DOCK2: variants seen among roughly 807,000 people sequenced by gnomAD.
The protein encoded by DOCK2 is dedicator of cytokinesis protein 2.
Under a neutral mutation model 248.9 loss-of-function variants are expected in DOCK2, and 87 were observed. The observed-to-expected ratio is 0.35, with a 90% CI of 0.29 to 0.42. DOCK2 has a LOEUF of 0.42. Ranked by LOEUF, DOCK2 falls within the 10% of genes least tolerant of loss-of-function variation. The probability of loss-of-function intolerance (pLI) is 1.00; values close to 1 mark genes in which losing one functional copy is unlikely to be tolerated. For missense variants in DOCK2, 1,747 were observed against 2,300.2 expected, an observed-to-expected ratio of 0.76 and a Z score of 4.92; for synonymous variants, 805 against 821.6, an observed-to-expected ratio of 0.98 and a Z score of 0.35.
At chr5:170,044,876 A>G (rs2113847213) in intron 38 of DOCK2, among the ~76,000 whole-genome samples, 2 of 152,218 alleles carry the variant, frequency 1.3e-5, no homozygotes, top group African/African-American at 4.8e-5. Context: ...ACTGAAGGTG[A>G]AATGTAATGG....
At chr5:170,032,044 T>C (rs185446004) in intron 34 of DOCK2, among the ~76,000 whole-genome samples, 44,634 of 148,124 alleles carry the variant, frequency 0.3, 7,004 homozygotes, top group East Asian at 0.49. Flanking sequence ...TTTTTTTTTT[T>C]GAGACGGAGT....
At chr5:169,722,473 G>A (rs1762262560) in intron 22 of DOCK2, among the ~76,000 whole-genome samples, 1 of 152,204 alleles carries the variant, frequency 6.6e-6, no homozygotes, top group African/African-American at 2.4e-5. Context: ...CCAGGCTAGA[G>A]TGCAAGGGGC....
intron 14 of DOCK2, chr5:169,702,712 T>TTTAC: frequency 5.2e-6 from 1 of 191,666 alleles, no homozygotes; most frequent in East Asian, 1.4e-4. Flanking sequence ...TATTTATTTA[T>TTTAC]TTACTTTTGC....
In DOCK2 at chr5:170,041,093, A is replaced by G; in HGVS notation, c.3704A>G (p.Asp1235Gly). ...CTCCGCGATCTTCACCTGGACTGTG[A>G]CAATTACACAGAGGCTGCCTACACG... Reference protein sequence around the residue: ...YKLRDLHLDCDNYTEAAYTLL... With the variant: ...YKLRDLHLDCGNYTEAAYTLL... The change falls in exon 37 of 52, where the codon GAC (aspartate) becomes GGC (glycine). Residue 1235 changes from aspartate (D) to glycine (G), a missense_variant. Physicochemically the swap from Asp to Gly is moderately conservative, Grantham distance 94. This residue lies in a region of DOCK2 where 858 missense variants were observed against 1,183.5 expected (regional missense o/e 0.72). Coordinates refer to ENST00000520908, the MANE Select transcript of DOCK2 (RefSeq NM_004946.3). 3.1e-6 allele frequency: 5 copies of G among 1,614,154 alleles called. No individual in the cohort carries two copies. The highest frequency in any genetic ancestry group is 4.2e-6 in the Non-Finnish European group (5 of 1,180,020).
At chr5:169,648,541 C>G (rs1757611715) in intron 1 of DOCK2, among the ~76,000 whole-genome samples, 1 of 152,182 alleles carries the variant, frequency 6.6e-6, no homozygotes, top group Non-Finnish European at 1.5e-5. Context: ...AAATGCATCT[C>G]CACTCGTGAG....
chr5:169,649,760 T>A (rs2113145858), intron 1 of DOCK2, among the ~76,000 whole-genome samples: 1 of 152,302 alleles, frequency 6.6e-6, no homozygotes, highest in African/African-American at 2.4e-5. Context: ...GAGGTTACTA[T>A]GAAGATTAAA....
intron 26 of DOCK2, among the ~76,000 whole-genome samples, chr5:169,823,602 G>A (rs1165148106): frequency 1.3e-5 from 2 of 152,160 alleles, no homozygotes; most frequent in Non-Finnish European, 2.9e-5. Context: ...AATAAATTAG[G>A]TATTGATGGG....
At chr5:169,929,658 C>T (rs907962234) in intron 27 of DOCK2, among the ~76,000 whole-genome samples, 1 of 150,684 alleles carries the variant, frequency 6.6e-6, no homozygotes, top group Admixed American at 6.6e-5. Flanking sequence ...AGGAGAATCA[C>T]TCAAGCCTGG....
chr5:169,685,977 C>T (rs1759951012), intron 8 of DOCK2, among the ~76,000 whole-genome samples: 1 of 152,226 alleles, frequency 6.6e-6, no homozygotes, highest in Non-Finnish European at 1.5e-5. Flanking sequence ...AGGGTTTCAG[C>T]ACCATTATGG....
intron 20 of DOCK2, 138 bp downstream of exon 20, chr5:169,716,440 A>G: frequency 1.3e-6 from 1 of 782,500 alleles, no homozygotes. Context: ...ATGTTTGGCA[A>G]CAAGACCAAT....
At chr5:169,759,799 T>C (rs762417688) in intron 24 of DOCK2, 24 bp downstream of exon 24, 3 of 1,613,526 alleles carry the variant, frequency 1.9e-6, no homozygotes, top group Non-Finnish European at 2.5e-6. Context: ...TTGTACTTTC[T>C]TGGGCTCTGC....
chr5:169,916,976 A>G (rs114978595), intron 27 of DOCK2, among the ~76,000 whole-genome samples: 2,372 of 152,224 alleles, frequency 0.016, 60 homozygotes, highest in African/African-American at 0.054. Flanking sequence ...ACTCTTCCAA[A>G]TCCAGGACTG....
Position 170,076,006 on chromosome 5 carries a change from A to G in DOCK2, c.4788A>G (p.Arg1596=), listed in dbSNP as rs777073396. ...AGAAAAGGGTGTCAGATAACTTGCG[A>G]CCCTTCCATGACCGGATGGAGGAAT... is the stretch of plus-strand genomic sequence containing the variant. ...IHEKRVSDNL[R]PFHDRMEECF... The change falls in exon 47 of 52, where the codon CGA becomes CGG. Residue 1596 remains arginine (R), a synonymous_variant. Coordinates refer to ENST00000520908, the MANE Select transcript of DOCK2 (RefSeq NM_004946.3). 5.0e-6 allele frequency: 8 copies of G among 1,613,986 alleles called. No homozygotes were observed. The highest frequency in any genetic ancestry group is 6.8e-6 in the Non-Finnish European group (8 of 1,179,974).
chr5:169,901,235 G>A (rs1355862512), intron 27 of DOCK2, among the ~76,000 whole-genome samples: 1 of 152,192 alleles, frequency 6.6e-6, no homozygotes, highest in Non-Finnish European at 1.5e-5. Flanking sequence ...CACTGGCTCT[G>A]ATGCAAGAAA....
chr5:169,718,707 A>T lies in DOCK2; in HGVS notation c.2183A>T (p.Glu728Val). Residue 728 changes from glutamate to valine, a missense_variant, in exon 22 of 52, where the codon GAG (glutamate) becomes GTG (valine). Glu to Val is a moderately radical substitution (Grantham distance 121). Coordinates refer to ENST00000520908, the MANE Select transcript of DOCK2 (RefSeq NM_004946.3). ...KTYLDTSSRGEQCEPILRTLK... is the reference protein window; with the variant it reads ...KTYLDTSSRGVQCEPILRTLK... ...TACTTGGATACCTCCAGCAGAGGGG[A>T]GCAATGTGAGCCAATCCTAAGAACG... 6.2e-7 allele frequency: 1 copy of T among 1,613,962 alleles called. No homozygotes were observed. The highest frequency in any genetic ancestry group is 8.5e-7 in the Non-Finnish European group (1 of 1,179,896).
Position 170,034,563 on chromosome 5 carries a change from G to A in DOCK2, c.3624+8G>A, listed in dbSNP as rs754715279. On this transcript the variant is annotated splice_region_variant and intron_variant, in intron 35 of 51. Transcript: ENST00000520908. ...TGCACCGTGAACCTGCTGGTGCGTG[G>A]GGCTGGCGGGTCCAAGTCAGACCAG... is the stretch of plus-strand genomic sequence containing the variant. 4 of 1,613,746 alleles carry A rather than the reference G, an allele frequency of 2.5e-6. No homozygotes were observed. In the African/African-American group the frequency reaches 5.3e-5, roughly 22 times the overall value.
At chr5:169,670,326 G>T (rs1002539123) in intron 3 of DOCK2, among the ~76,000 whole-genome samples, 8 of 152,170 alleles carry the variant, frequency 5.3e-5, no homozygotes, top group South Asian at 2.1e-4. Flanking sequence ...GGGATCTAGA[G>T]CAACTGATGG....
intron 26 of DOCK2, among the ~76,000 whole-genome samples, chr5:169,804,486 G>GCA (rs1554102743): frequency 8.7e-5 from 5 of 57,232 alleles, no homozygotes; most frequent in African/African-American, 2.2e-4. Flanking sequence ...GTGTGTGTGT[G>GCA]CGCGCGCGCG....
At chr5:169,719,500 C>A (rs1038679887) in intron 22 of DOCK2, among the ~76,000 whole-genome samples, 2 of 152,124 alleles carry the variant, frequency 1.3e-5, no homozygotes, top group African/African-American at 4.8e-5. Flanking sequence ...AAAGAACACG[C>A]AACTGAAACT....
Sources: gnomAD v4.1 joint callset for allele counts (sites outside exome capture counted in the v4.1 genomes callset) on GRCh38, gnomAD v4.1.1 for gene constraint, gnomAD v4.1.1 regional missense constraint, MANE v1.5 for transcripts, NCBI Gene and HGNC (gene_info 2026-07-23, HGNC 2026-07-21) for gene names.